Variants in MYRIP observed in about 807,000 individuals in gnomAD.
MYRIP encodes rab effector MyRIP.
In MYRIP, 49 loss-of-function variants were observed where a neutral mutation model predicts 98.0. The observed-to-expected ratio is 0.50, with a 90% CI of 0.40 to 0.63. MYRIP has a LOEUF of 0.63. MYRIP is among the 30% of genes least tolerant of loss of function. The probability of loss-of-function intolerance (pLI) is 0.00; values close to 1 mark genes in which losing one functional copy is unlikely to be tolerated. For synonymous variants in MYRIP, 404 were observed against 409.5 expected (o/e 0.99, Z 0.16); for missense variants, 1,004 against 1,058.2 (o/e 0.95, Z 0.71).
intron 3 of MYRIP, among the ~76,000 whole-genome samples, chr3:40,098,191 TG>T (rs1326175127): frequency 8.5e-5 from 13 of 152,242 alleles, no homozygotes; most frequent in African/African-American, 3.1e-4. Context: ...TAAGTAGAAG[TG>T]CATTAAGTTT....
chr3:40,000,556 G>A lies in MYRIP; in HGVS notation c.111-43494G>A, dbSNP rs150296491. Reference sequence around the variant, plus strand: ...ACATCTCTTGAAATGCCCAGAGCTAGCCCTGGCCTTGTCATGGGAAGACAT... The same window carrying A: ...ACATCTCTTGAAATGCCCAGAGCTAACCCTGGCCTTGTCATGGGAAGACAT... On this transcript the variant is annotated intron_variant, in intron 2 of 16. Coordinates refer to ENST00000302541, the MANE Select transcript of MYRIP (RefSeq NM_015460.4). 6.0e-3 allele frequency among the ~76,000 whole-genome samples: 913 copies of A among 152,262 alleles called. 23 individuals carry two copies. Among genetic ancestry groups the A allele is most frequent in the Admixed American group, 0.043 (651 of 15,288 alleles).
At chr3:40,111,368 C>A (rs1268199847) in intron 3 of MYRIP, among the ~76,000 whole-genome samples, 1 of 152,150 alleles carries the variant, frequency 6.6e-6, no homozygotes, top group Non-Finnish European at 1.5e-5. Flanking sequence ...GTTTAGAATG[C>A]ATTAAGCTTC....
chr3:40,062,001 T>A (rs1948027407), intron 3 of MYRIP, among the ~76,000 whole-genome samples: 1 of 152,200 alleles, frequency 6.6e-6, no homozygotes, highest in African/African-American at 2.4e-5. Context: ...GATATTAGAC[T>A]TTTTTCTGAT....
intron 3 of MYRIP, among the ~76,000 whole-genome samples, chr3:40,102,268 A>G (rs1948959373): frequency 6.6e-6 from 1 of 152,212 alleles, no homozygotes; most frequent in Non-Finnish European, 1.5e-5. Context: ...ACAGTATAAA[A>G]GGGGACTAGA....
At chr3:40,165,517 G>A (rs1360672579) in intron 5 of MYRIP, among the ~76,000 whole-genome samples, 1 of 152,178 alleles carries the variant, frequency 6.6e-6, no homozygotes, top group African/African-American at 2.4e-5. Context: ...AATGGAAACA[G>A]GAGGTTGAAA....
chr3:39,981,591 T>A (rs949423837), intron 2 of MYRIP, among the ~76,000 whole-genome samples: 3 of 152,172 alleles, frequency 2.0e-5, no homozygotes, highest in African/African-American at 7.2e-5. Flanking sequence ...TTACTCCCTT[T>A]TCATGTTGTT....
intron 11 of MYRIP, among the ~76,000 whole-genome samples, chr3:40,222,554 C>T (rs937320389): frequency 2.0e-5 from 3 of 152,114 alleles, no homozygotes; most frequent in African/African-American, 7.2e-5. Flanking sequence ...TATTACCTCT[C>T]TGTCCCCCTA....
chr3:40,037,061 G>C (rs1947400558), intron 2 of MYRIP, among the ~76,000 whole-genome samples: 1 of 152,006 alleles, frequency 6.6e-6, no homozygotes, highest in Admixed American at 6.6e-5. Flanking sequence ...AACAGAAAAG[G>C]CATGGTAGAT....
Position 40,192,313 on chromosome 3 carries a change from T to TATATATGAC in MYRIP, c.1665+1856_1665+1857insGACATATAT, listed in dbSNP as rs1323917977. ...ACTGCGGCAGTTAGTTTTCTTCATA[T>TATATATGAC]ATATATATATATGTCATATATATAT... On this transcript the variant is annotated intron_variant, in intron 10 of 16. Transcript: ENST00000302541. Among the ~76,000 whole-genome samples, 19 of 13,182 alleles carry TATATATGAC rather than the reference T, an allele frequency of 1.4e-3. 1 individual carries two copies. Among genetic ancestry groups the TATATATGAC allele is most frequent in the South Asian group, 3.6e-3 (1 of 274 alleles). 8.6% of individuals were successfully genotyped at this position (13,182 alleles called of 152,430 possible).
intron 1 of MYRIP, among the ~76,000 whole-genome samples, chr3:39,823,946 G>A (rs753577097): frequency 8.6e-5 from 13 of 152,008 alleles, no homozygotes; most frequent in Non-Finnish European, 1.8e-4. Context: ...ATGTCCTAAA[G>A]TATTTCCCCT....
chr3:40,051,668 G>A (rs1947797962), intron 3 of MYRIP, among the ~76,000 whole-genome samples: 1 of 152,094 alleles, frequency 6.6e-6, no homozygotes, highest in Non-Finnish European at 1.5e-5. Context: ...GTGAATGGGA[G>A]AAAAATTATT....
At chr3:39,940,269 C>T (rs1043500897) in intron 2 of MYRIP, among the ~76,000 whole-genome samples, 7 of 151,748 alleles carry the variant, frequency 4.6e-5, no homozygotes, top group Admixed American at 1.3e-4. Context: ...GATGAATATA[C>T]GTTTGTGTTT....
intron 1 of MYRIP, among the ~76,000 whole-genome samples, chr3:39,859,990 A>G (rs960865115): frequency 6.6e-6 from 1 of 152,240 alleles, no homozygotes. Context: ...TCTATTCAAC[A>G]TAGTACTAAA....
intron 2 of MYRIP, among the ~76,000 whole-genome samples, chr3:39,987,447 A>T (rs956200187): frequency 2.0e-5 from 3 of 152,162 alleles, no homozygotes; most frequent in Non-Finnish European, 2.9e-5. Context: ...TTGCTATAGT[A>T]AATAGTGCTG....
At chr3:40,086,511 C>G (rs1216776787) in intron 3 of MYRIP, among the ~76,000 whole-genome samples, 1 of 152,194 alleles carries the variant, frequency 6.6e-6, no homozygotes, top group African/African-American at 2.4e-5. Context: ...TGAGAGCCAC[C>G]AGGGCAGACC....
At chr3:39,894,435 G>A (rs1943557966) in intron 1 of MYRIP, among the ~76,000 whole-genome samples, 1 of 152,190 alleles carries the variant, frequency 6.6e-6, no homozygotes, top group African/African-American at 2.4e-5. Context: ...ACCGTTATAT[G>A]TTATTGAAGT....
chr3:40,138,324 T>C (rs1330440167), intron 3 of MYRIP, among the ~76,000 whole-genome samples: 1 of 151,316 alleles, frequency 6.6e-6, no homozygotes, highest in Non-Finnish European at 1.5e-5. Context: ...GGTTGAGCTG[T>C]CTAATTCTTC....
intron 3 of MYRIP, among the ~76,000 whole-genome samples, chr3:40,068,802 T>G (rs1262437947): frequency 6.6e-6 from 1 of 152,246 alleles, no homozygotes; most frequent in Non-Finnish European, 1.5e-5. Flanking sequence ...GCATGTTGTC[T>G]TTACATGTTC....
At chr3:40,150,972 G>A in intron 3 of MYRIP, 76 bp from the exon 4 acceptor site, 1 of 1,351,558 alleles carries the variant, frequency 7.4e-7, no homozygotes. Flanking sequence ...GGATGGAGCT[G>A]TGAAGCATTG....
Sources: allele counts gnomAD v4.1 joint callset (sites outside exome capture counted in the v4.1 genomes callset), GRCh38; gene constraint gnomAD v4.1.1; transcripts MANE v1.5; gene names NCBI Gene and HGNC (gene_info 2026-07-23, HGNC 2026-07-21).